Variants in PI4KA observed in about 807,000 individuals in gnomAD.
PI4KA encodes PI4-kinase alpha.
In PI4KA, 122 loss-of-function variants were observed where a neutral mutation model predicts 271.4. The observed-to-expected ratio is 0.45, with a 90% CI of 0.39 to 0.52. The LOEUF is 0.52. Among genes scored for constraint, PI4KA ranks in the 20% least tolerant of loss-of-function variants. The probability of loss-of-function intolerance (pLI) is 0.00; values close to 1 mark genes in which losing one functional copy is unlikely to be tolerated. For synonymous variants in PI4KA, 1,041 were observed against 1,078.8 expected (o/e 0.96, Z 0.69); for missense variants, 1,969 against 2,769.1 (o/e 0.71, Z 6.48).
chr22:20,797,674 G>A (rs1162470588), intron 17 of PI4KA, among the ~76,000 whole-genome samples: 2 of 152,162 alleles, frequency 1.3e-5, no homozygotes, highest in African/African-American at 4.8e-5. Context: ...CTGCAGGCAG[G>A]TTCTCATTTG....
At chr22:20,786,943 G>T (rs747205414) in intron 19 of PI4KA, 1 of 1,614,150 alleles carries the variant, frequency 6.2e-7, no homozygotes, top group Non-Finnish European at 8.5e-7. Context: ...CCACGGTGGG[G>T]TTCATGCCGC....
At chr22:20,725,553 A>G (rs1207139355) in intron 42 of PI4KA, 5 of 452,244 alleles carry the variant, frequency 1.1e-5, no homozygotes, top group African/African-American at 1.0e-4. Context: ...GGACACAGAC[A>G]CACACAAAAG....
chr22:20,742,430 G>A, intron 31 of PI4KA, 75 bp from the exon 32 acceptor site: 1 of 1,581,330 alleles, frequency 6.3e-7, no homozygotes, highest in Non-Finnish European at 8.6e-7. Flanking sequence ...GGGCCAACAA[G>A]AGTTGACCAG....
intron 1 of PI4KA, among the ~76,000 whole-genome samples, chr22:20,854,102 T>C (rs1478378782): frequency 6.6e-6 from 1 of 152,032 alleles, no homozygotes; most frequent in African/African-American, 2.4e-5. Context: ...CAGCAGGAGC[T>C]CAATAAATGT....
At chr22:20,830,962 G>A (rs193207396) in intron 3 of PI4KA, among the ~76,000 whole-genome samples, 3 of 152,074 alleles carry the variant, frequency 2.0e-5, no homozygotes, top group African/African-American at 7.2e-5. Flanking sequence ...TAGTGGAAAC[G>A]GGGTTTCACC....
At chr22:20,846,835 CA>C (rs361933) in intron 1 of PI4KA, among the ~76,000 whole-genome samples, 24,383 of 61,324 alleles carry the variant, frequency 0.4, 2,505 homozygotes, top group East Asian at 0.51. Flanking sequence ...AGTGCAGGCT[CA>C]AAAAAAAAAA....
At chr22:20,797,161 G>C (rs565427868) in intron 17 of PI4KA, among the ~76,000 whole-genome samples, 18 of 152,338 alleles carry the variant, frequency 1.2e-4, no homozygotes, top group Admixed American at 5.9e-4. Flanking sequence ...CTGCAGTTAA[G>C]TAATACCTGG....
chr22:20,749,997 G>A lies in PI4KA; in HGVS notation c.3154-3C>T, dbSNP rs891299259. 6.2e-7 allele frequency: 1 copy of A among 1,605,172 alleles called. No homozygotes were observed. Among genetic ancestry groups the A allele is most frequent in the Non-Finnish European group, 8.5e-7 (1 of 1,171,918 alleles). ...GCAGCGAAGTCCTTCACAATGCTCT[G>A]GAAGAGGGTGAAGCTGCTTCTCAAC... On this transcript the variant is annotated splice_region_variant and splice_polypyrimidine_tract_variant and intron_variant, in intron 27 of 54. Coordinates refer to ENST00000255882, the MANE Select transcript of PI4KA (RefSeq NM_058004.4).
At chr22:20,786,016 G>A (rs770479744) in intron 19 of PI4KA, 4 of 1,614,158 alleles carry the variant, frequency 2.5e-6, no homozygotes, top group Non-Finnish European at 3.4e-6. Context: ...CTCGAGAAGT[G>A]CTTCTGCCGA....
At position 20,793,188 on chromosome 22, in the gene PI4KA, C is replaced by T. The variant is rs1442038334; in HGVS notation, c.2328+5G>A. The T allele has an allele frequency of 6.6e-7, 1 of 1,508,002 alleles. No individual in the cohort carries two copies. The highest frequency in any genetic ancestry group is 1.7e-5 in the Admixed American group (1 of 59,892). 93.4% of individuals were successfully genotyped at this position (1,508,002 alleles called of 1,614,324 possible). ...GTTTTTATCATTCAATTAATGAATA[C>T]TCACCACAGCTATTACAGGAATGAG... On this transcript the variant is annotated splice_donor_5th_base_variant and intron_variant, in intron 19 of 54. Transcript: ENST00000255882.
chr22:20,720,150 C>A (rs558796346), intron 43 of PI4KA, among the ~76,000 whole-genome samples: 2 of 151,972 alleles, frequency 1.3e-5, no homozygotes, highest in South Asian at 4.2e-4. Flanking sequence ...ACTCACTGGC[C>A]TATATTTTAC....
chr22:20,817,624 C>CT (rs1456141463), intron 7 of PI4KA, among the ~76,000 whole-genome samples: 2 of 150,016 alleles, frequency 1.3e-5, no homozygotes, highest in South Asian at 2.1e-4. Flanking sequence ...GTCCTAGCTA[C>CT]TTGGGAGGCT....
intron 3 of PI4KA, among the ~76,000 whole-genome samples, chr22:20,825,818 T>A (rs557719833): frequency 3.3e-5 from 5 of 152,284 alleles, no homozygotes; most frequent in Admixed American, 2.0e-4. Context: ...GTGTACAGAT[T>A]ATTTCATCAT....
intron 19 of PI4KA, among the ~76,000 whole-genome samples, chr22:20,783,668 C>A (rs143454778): frequency 8.9e-4 from 135 of 152,268 alleles, no homozygotes; most frequent in African/African-American, 3.1e-3. Flanking sequence ...CTCAAAGTTA[C>A]TCATTTGACA....
intron 17 of PI4KA, 132 bp downstream of exon 17, chr22:20,798,452 T>A (rs1257597653): frequency 2.8e-6 from 2 of 705,742 alleles, no homozygotes; most frequent in Admixed American, 4.2e-5. Context: ...TCCCCCCTTA[T>A]GTGTGCACTG....
chr22:20,824,217 TATC>T, intron 4 of PI4KA, 106 bp downstream of exon 4: 1 of 761,460 alleles, frequency 1.3e-6, no homozygotes. Flanking sequence ...AATAGATAAA[TATC>T]AACAAACAAT....
Position 20,712,947 on chromosome 22 carries a change from C to T in PI4KA, c.5572-150G>A, listed in dbSNP as rs1179438977. ...GCAAGAGTCTGGAAGGCCTTCCTTTCTGACCACCGGGGGCTGGACTCAGGC... is the reference window on the plus strand; with the variant it reads ...GCAAGAGTCTGGAAGGCCTTCCTTTTTGACCACCGGGGGCTGGACTCAGGC... On this transcript the variant is annotated intron_variant, in intron 48 of 54. Transcript: ENST00000255882. The T allele has an allele frequency of 7.7e-6, 6 of 774,706 alleles. No homozygotes were observed. In the East Asian group the frequency reaches 8.1e-5, roughly 10 times the overall value. The allele number at this position is 774,706 out of a possible 1,614,324, so 48.0% of individuals were successfully genotyped here.
At position 20,793,203 on chromosome 22, in the gene PI4KA, A is replaced by G. The variant is rs764934091; in HGVS notation, c.2318T>C (p.Val773Ala). The change falls in exon 19 of 55, where the codon GTA becomes GCA. Residue 773 changes from valine to alanine, a missense_variant. By Grantham distance (64) the Val-to-Ala change is moderately conservative. This residue lies in a region of PI4KA where 368 missense variants were observed against 544.3 expected (regional missense o/e 0.68). Coordinates refer to ENST00000255882, the MANE Select transcript of PI4KA (RefSeq NM_058004.4). ...SAGNLGVLIP[V>A]IAVLTRRLPP... ...TTAATGAATACTCACCACAGCTATT[A>G]CAGGAATGAGTACTCCCAAGTTCCC... 1 of 1,561,612 alleles carries G rather than the reference A, an allele frequency of 6.4e-7. No individual in the cohort carries two copies. The highest frequency in any genetic ancestry group is 8.8e-7 in the Non-Finnish European group (1 of 1,132,242).
At chr22:20,759,723 G>A (rs1045699043) in intron 23 of PI4KA, among the ~76,000 whole-genome samples, 4 of 152,038 alleles carry the variant, frequency 2.6e-5, no homozygotes, top group Non-Finnish European at 5.9e-5. Flanking sequence ...AGGCCACCAC[G>A]CCCGGCTAAT....
Sources: gnomAD v4.1 joint callset for allele counts (sites outside exome capture counted in the v4.1 genomes callset) on GRCh38, gnomAD v4.1.1 for gene constraint, gnomAD v4.1.1 regional missense constraint, MANE v1.5 for transcripts, NCBI Gene and HGNC (gene_info 2026-07-23, HGNC 2026-07-21) for gene names.